The following SPOCK1 variants were observed in gnomAD, a reference collection of about 807,000 sequenced individuals.
SPOCK1 encodes the protein SPARC (osteonectin), cwcv and kazal like domains proteoglycan 1, also known as testican-1.
A neutral mutation model predicts 55.3 loss-of-function variants in SPOCK1; 23 were observed. The ratio of observed to expected loss-of-function variants is 0.42; its 90% CI spans 0.30 to 0.59. The LOEUF (loss-of-function observed/expected upper bound fraction) is 0.59, where lower values mean the gene tolerates loss of function less well. Ranked by LOEUF, SPOCK1 falls within the 20% of genes least tolerant of loss-of-function variation. The probability of loss-of-function intolerance (pLI) is 0.22; values close to 1 mark genes in which losing one functional copy is unlikely to be tolerated. For missense variants in SPOCK1, 499 were observed against 552.5 expected (o/e 0.90, Z 0.97); for synonymous variants, 226 against 221.0 (o/e 1.02, Z -0.20).
At chr5:137,103,303 T>G (rs1027749351) in intron 5 of SPOCK1, among the ~76,000 whole-genome samples, 1 of 152,208 alleles carries the variant, frequency 6.6e-6, no homozygotes, top group Non-Finnish European at 1.5e-5. Flanking sequence ...CTTTTAATAA[T>G]GTAACTTTCC....
intron 5 of SPOCK1, among the ~76,000 whole-genome samples, chr5:137,076,507 T>C (rs1752764237): frequency 6.6e-6 from 1 of 151,032 alleles, no homozygotes; most frequent in South Asian, 2.1e-4. Context: ...CTCAGAACAC[T>C]CACATTAGTC....
intron 2 of SPOCK1, among the ~76,000 whole-genome samples, chr5:137,316,236 C>T (rs1434653): frequency 0.28 from 43,007 of 152,108 alleles, 6,874 homozygotes; most frequent in African/African-American, 0.42. Flanking sequence ...CATAATCCCA[C>T]TCATGAAGGA....
At chr5:137,358,143 G>A (rs1750858388) in intron 2 of SPOCK1, among the ~76,000 whole-genome samples, 1 of 152,034 alleles carries the variant, frequency 6.6e-6, no homozygotes, top group Admixed American at 6.5e-5. Flanking sequence ...AGGAGGAGTA[G>A]AGTAAAGGTG....
At chr5:137,407,177 AT>A (rs1171039342) in intron 2 of SPOCK1, among the ~76,000 whole-genome samples, 1 of 152,222 alleles carries the variant, frequency 6.6e-6, no homozygotes, top group African/African-American at 2.4e-5. Flanking sequence ...AAAAATAGAT[AT>A]AAGATTTTTA....
intron 2 of SPOCK1, among the ~76,000 whole-genome samples, chr5:137,451,959 T>C (rs1379913211): frequency 1.3e-5 from 2 of 152,104 alleles, no homozygotes; most frequent in Non-Finnish European, 2.9e-5. Context: ...AGATTTTGGA[T>C]TTTTTCCATA....
chr5:137,143,277 AC>A (rs1393681066), intron 3 of SPOCK1, among the ~76,000 whole-genome samples: 1 of 152,204 alleles, frequency 6.6e-6, no homozygotes, highest in Non-Finnish European at 1.5e-5. Context: ...CTGCAGTACT[AC>A]ATGACAAGCT....
intron 3 of SPOCK1, among the ~76,000 whole-genome samples, chr5:137,186,951 T>C (rs959603603): frequency 1.3e-5 from 2 of 152,188 alleles, no homozygotes; most frequent in Non-Finnish European, 2.9e-5. Context: ...CCCCTGATCA[T>C]GTCTCCCTCC....
At chr5:137,052,577 C>A (rs1312760569) in intron 6 of SPOCK1, among the ~76,000 whole-genome samples, 1 of 152,080 alleles carries the variant, frequency 6.6e-6, no homozygotes, top group South Asian at 2.1e-4. Flanking sequence ...AATTAATATA[C>A]ATTGTTGTTC....
intron 2 of SPOCK1, among the ~76,000 whole-genome samples, chr5:137,373,912 A>G (rs1266257896): frequency 6.6e-6 from 1 of 152,220 alleles, no homozygotes; most frequent in Non-Finnish European, 1.5e-5. Flanking sequence ...TTCATTTTAC[A>G]CATTTATGGA....
chr5:137,318,495 G>A (rs151073982), intron 2 of SPOCK1, among the ~76,000 whole-genome samples: 6 of 152,268 alleles, frequency 3.9e-5, no homozygotes, highest in African/African-American at 1.4e-4. Flanking sequence ...CCAGTCTCCT[G>A]GGAATCCCTC....
chr5:137,433,980 T>A (rs757133565), intron 2 of SPOCK1, among the ~76,000 whole-genome samples: 1 of 152,196 alleles, frequency 6.6e-6, no homozygotes, highest in African/African-American at 2.4e-5. Context: ...ATGACAAAAA[T>A]TGCAATTACC....
intron 3 of SPOCK1, among the ~76,000 whole-genome samples, chr5:137,209,973 CA>C (rs1247610570): frequency 6.6e-6 from 1 of 152,144 alleles, no homozygotes; most frequent in East Asian, 1.9e-4. Context: ...GTGTATTTGC[CA>C]ACACAACTAG....
chr5:136,978,645 T>C lies in SPOCK1; in HGVS notation c.*9A>G. 1 of 1,584,874 alleles carries C rather than the reference T, an allele frequency of 6.3e-7. No individual in the cohort carries two copies. Among genetic ancestry groups the C allele is most frequent in the Non-Finnish European group, 8.6e-7 (1 of 1,168,118 alleles). On this transcript the variant is annotated 3_prime_UTR_variant, in exon 11 of 11. Coordinates refer to ENST00000394945, the MANE Select transcript of SPOCK1 (RefSeq NM_004598.4). ...TTGTGCAAAACTTGTGTCCTCTTTCTTGTGGGCACTACCATATGTACCCGA... is the reference window on the plus strand; with the variant it reads ...TTGTGCAAAACTTGTGTCCTCTTTCCTGTGGGCACTACCATATGTACCCGA...
intron 3 of SPOCK1, among the ~76,000 whole-genome samples, chr5:137,184,533 G>A (rs189764738): frequency 0.01 from 1,530 of 152,298 alleles, 29 homozygotes; most frequent in African/African-American, 0.035. Context: ...AAGTAGCAGA[G>A]GTTCTGGCCA....
At chr5:137,258,051 C>T (rs992035305) in intron 3 of SPOCK1, among the ~76,000 whole-genome samples, 2 of 152,260 alleles carry the variant, frequency 1.3e-5, no homozygotes, top group Non-Finnish European at 2.9e-5. Flanking sequence ...CAATATGAAA[C>T]ACCAGAAGAA....
intron 2 of SPOCK1, among the ~76,000 whole-genome samples, chr5:137,356,314 A>G (rs910070750): frequency 2.0e-5 from 3 of 152,232 alleles, no homozygotes; most frequent in Admixed American, 6.5e-5. Flanking sequence ...TGCATAATGC[A>G]TAAGAGATCT....
chr5:137,226,014 A>C (rs992601368), intron 3 of SPOCK1, among the ~76,000 whole-genome samples: 2 of 152,160 alleles, frequency 1.3e-5, no homozygotes, highest in African/African-American at 4.8e-5. Flanking sequence ...TGTTGGGCTG[A>C]CCCAAGGCCA....
chr5:137,219,766 T>G (rs954852340), intron 3 of SPOCK1, among the ~76,000 whole-genome samples: 3 of 152,184 alleles, frequency 2.0e-5, no homozygotes, highest in Non-Finnish European at 4.4e-5. Flanking sequence ...GAAGCTGAGG[T>G]CTTGGCCCTG....
chr5:137,011,614 C>T (rs2126974845), intron 6 of SPOCK1, among the ~76,000 whole-genome samples: 1 of 152,314 alleles, frequency 6.6e-6, no homozygotes, highest in African/African-American at 2.4e-5. Flanking sequence ...CATTCTCCAC[C>T]AGGTCCTTTT....
Sources: allele counts gnomAD v4.1 joint callset (sites outside exome capture counted in the v4.1 genomes callset), GRCh38; gene constraint gnomAD v4.1.1; transcripts MANE v1.5; gene names NCBI Gene and HGNC (gene_info 2026-07-23, HGNC 2026-07-21).